Variants in PDE11A observed in about 807,000 individuals in gnomAD.
PDE11A encodes phosphodiesterase 11A.
Under a neutral mutation model 100.5 loss-of-function variants are expected in PDE11A, and 100 were observed. The observed-to-expected ratio is 1.00, with a 90% CI of 0.85 to 1.18. The LOEUF is 1.18. Ranked by LOEUF, PDE11A falls within the 50% of genes most tolerant of loss-of-function variation. The pLI is 0.00. For synonymous variants in PDE11A, 381 were observed against 420.8 expected, an observed-to-expected ratio of 0.91 and a Z score of 1.16; for missense variants, 1,141 against 1,152.6, an observed-to-expected ratio of 0.99 and a Z score of 0.15.
intron 1 of PDE11A, among the ~76,000 whole-genome samples, chr2:178,032,940 A>G (rs1293924102): frequency 6.6e-6 from 1 of 152,212 alleles, no homozygotes; most frequent in African/African-American, 2.4e-5. Flanking sequence ...GATGAGAAAA[A>G]AACAGTGCAA....
At chr2:178,030,634 G>C (rs2086534100) in intron 1 of PDE11A, among the ~76,000 whole-genome samples, 1 of 152,056 alleles carries the variant, frequency 6.6e-6, no homozygotes, top group African/African-American at 2.4e-5. Flanking sequence ...CCAACAACTT[G>C]GGAGGCCAAC....
At chr2:177,931,069 T>C (rs938599597) in intron 2 of PDE11A, among the ~76,000 whole-genome samples, 1 of 152,184 alleles carries the variant, frequency 6.6e-6, no homozygotes, top group Non-Finnish European at 1.5e-5. Context: ...TTATAGATAC[T>C]ATGTTTTAAA....
intron 2 of PDE11A, among the ~76,000 whole-genome samples, chr2:177,984,430 G>T (rs931245127): frequency 6.6e-6 from 1 of 152,120 alleles, no homozygotes; most frequent in African/African-American, 2.4e-5. Context: ...CAGAAAGAAA[G>T]AAAACATAGG....
At chr2:178,010,267 C>T (rs936903484) in intron 2 of PDE11A, among the ~76,000 whole-genome samples, 3 of 152,174 alleles carry the variant, frequency 2.0e-5, no homozygotes, top group African/African-American at 4.8e-5. Context: ...GACATGGCTT[C>T]CTTTTTGCTT....
intron 2 of PDE11A, among the ~76,000 whole-genome samples, chr2:177,953,584 T>C (rs1183496487): frequency 6.6e-6 from 1 of 152,178 alleles, no homozygotes; most frequent in African/African-American, 2.4e-5. Context: ...TTCCAATTTT[T>C]TTCATTAATG....
intron 2 of PDE11A, among the ~76,000 whole-genome samples, chr2:178,082,551 G>C (rs951518826): frequency 2.0e-5 from 3 of 152,122 alleles, no homozygotes; most frequent in Non-Finnish European, 2.9e-5. Context: ...AGGGCAAAGG[G>C]AACAGGAATT....
In PDE11A at chr2:177,727,821, T is replaced by A; in HGVS notation, c.1936-56A>T. On this transcript the variant is annotated intron_variant, in intron 11 of 19. Coordinates refer to ENST00000286063, the MANE Select transcript of PDE11A (RefSeq NM_016953.4). ...AGTTGTAAGTGATTCTAGTGGACCC[T>A]TATCTCAATGGTGCCTTATATCTGA... The A allele has an allele frequency of 2.7e-6, 3 of 1,091,264 alleles. No homozygotes were observed. In the South Asian group the frequency reaches 3.7e-5, roughly 14 times the overall value. 67.6% of individuals were successfully genotyped at this position (1,091,264 alleles called of 1,614,324 possible). A position where few individuals can be genotyped will look rare whatever the true frequency, so the allele number is the denominator to read the frequency against.
At chr2:177,884,789 G>A (rs1165047653) in intron 4 of PDE11A, among the ~76,000 whole-genome samples, 1 of 152,166 alleles carries the variant, frequency 6.6e-6, no homozygotes, top group Non-Finnish European at 1.5e-5. Context: ...CCTAGTGAGA[G>A]ATCAGTAAAG....
chr2:177,629,351 A>T lies in PDE11A; in HGVS notation c.*56T>A. 1.4e-6 allele frequency: 2 copies of T among 1,456,086 alleles called. No homozygotes were observed. Among genetic ancestry groups the T allele is most frequent in the East Asian group, 2.3e-5 (1 of 44,154 alleles). 90.2% of individuals were successfully genotyped at this position (1,456,086 alleles called of 1,614,324 possible). ...AAGAACAAAAGGATGACATTGCTGG[A>T]CTGAAAATGGCCCTTCAGGCTGTAG... On this transcript the variant is annotated 3_prime_UTR_variant, in exon 20 of 20. Coordinates refer to ENST00000286063, the MANE Select transcript of PDE11A (RefSeq NM_016953.4).
chr2:177,866,259 A>G (rs1372691340), intron 5 of PDE11A, among the ~76,000 whole-genome samples: 1 of 152,110 alleles, frequency 6.6e-6, no homozygotes, highest in Non-Finnish European at 1.5e-5. Flanking sequence ...CCTCCCCTGG[A>G]GCTGTTCCCC....
intron 1 of PDE11A, among the ~76,000 whole-genome samples, chr2:178,032,842 G>C (rs1248572737): frequency 2.6e-5 from 4 of 152,258 alleles, no homozygotes; most frequent in Admixed American, 1.3e-4. Context: ...CAAACAGAAA[G>C]CGATAACATC....
intron 1 of PDE11A, among the ~76,000 whole-genome samples, chr2:178,029,936 G>A (rs2086523962): frequency 6.6e-6 from 1 of 152,104 alleles, no homozygotes; most frequent in Non-Finnish European, 1.5e-5. Context: ...ACCATATGAT[G>A]CCTTCCACCA....
chr2:177,710,950 C>T (rs769892522), intron 13 of PDE11A, among the ~76,000 whole-genome samples: 5 of 152,242 alleles, frequency 3.3e-5, no homozygotes, highest in Non-Finnish European at 7.3e-5. Flanking sequence ...TCTACTTTCC[C>T]TACCCCAAAA....
At chr2:177,761,267 A>G (rs1226261935) in intron 10 of PDE11A, among the ~76,000 whole-genome samples, 2 of 152,200 alleles carry the variant, frequency 1.3e-5, no homozygotes, top group Non-Finnish European at 2.9e-5. Flanking sequence ...TGCACAGGAC[A>G]ACAACCAGGA....
chr2:177,686,156 G>C (rs2080945024), intron 15 of PDE11A, among the ~76,000 whole-genome samples: 1 of 152,156 alleles, frequency 6.6e-6, no homozygotes, highest in South Asian at 2.1e-4. Context: ...GCTACTTCGT[G>C]ATAAGTTCTA....
intron 6 of PDE11A, among the ~76,000 whole-genome samples, chr2:177,834,791 C>T (rs2083366325): frequency 6.6e-6 from 1 of 152,190 alleles, no homozygotes; most frequent in Admixed American, 6.5e-5. Flanking sequence ...TCCTTTTCTC[C>T]ACCCTGTAGG....
rs2082545343 is a variant in PDE11A at position 177,786,907 on chromosome 2, T to A, written c.1738-17534A>T. Among the ~76,000 whole-genome samples the A allele has an allele frequency of 2.6e-5, 4 of 151,726 alleles. No individual in the cohort carries two copies. The South Asian group carries it at 8.3e-4, about 32-fold the overall frequency. On this transcript the variant is annotated intron_variant, in intron 9 of 19. Transcript: ENST00000286063. ...ACTATGTGAAAAGACCAAATCTACG[T>A]CTGATCGGTGTACCTGAAAGTGACG...
At chr2:177,736,791 A>C (rs2081790808) in intron 10 of PDE11A, among the ~76,000 whole-genome samples, 1 of 152,194 alleles carries the variant, frequency 6.6e-6, no homozygotes, top group Non-Finnish European at 1.5e-5. Flanking sequence ...TGCACTCAAG[A>C]GTTCACCAGC....
At chr2:177,947,693 AC>A (rs1258584452) in intron 2 of PDE11A, among the ~76,000 whole-genome samples, 1 of 151,754 alleles carries the variant, frequency 6.6e-6, no homozygotes, top group African/African-American at 2.4e-5. Flanking sequence ...TTATCTGCTG[AC>A]CTTCCCTCCA....
Sources: gnomAD v4.1 joint callset for allele counts (sites outside exome capture counted in the v4.1 genomes callset) on GRCh38, gnomAD v4.1.1 for gene constraint, MANE v1.5 for transcripts, NCBI Gene and HGNC (gene_info 2026-07-23, HGNC 2026-07-21) for gene names.